The following CPSF2 variants were observed in gnomAD, a reference collection of about 807,000 sequenced individuals.
CPSF2 encodes cleavage and polyadenylation specific factor 2.
Under a neutral mutation model 84.2 loss-of-function variants are expected in CPSF2, and 51 were observed. That is an observed-to-expected ratio of 0.61 (90% CI 0.48 to 0.77). The LOEUF is 0.77. CPSF2 is among the 30% of genes least tolerant of loss of function. CPSF2 has a pLI of 0.00. For synonymous variants in CPSF2, 286 were observed against 311.9 expected (o/e 0.92, Z 0.87); for missense variants, 641 against 929.4 (o/e 0.69, Z 4.03).
rs201243097 is a variant in CPSF2, at chr14:92,161,644, G to C, written c.2257-8G>C. ...TGTACTAAAGAATTTTTTTTATTTG[G>C]TTTCTAGACGGAAACTGGACGCATT... On this transcript the variant is annotated splice_polypyrimidine_tract_variant and splice_region_variant and intron_variant, in intron 15 of 15. Transcript: ENST00000298875. 90 of 1,568,452 alleles carry C rather than the reference G, an allele frequency of 5.7e-5. No homozygotes were observed. Among genetic ancestry groups the C allele is most frequent in the Non-Finnish European group, 7.7e-6 (9 of 1,164,302 alleles).
intron 2 of CPSF2, among the ~76,000 whole-genome samples, chr14:92,126,696 A>C (rs1268487483): frequency 1.3e-5 from 2 of 151,934 alleles, no homozygotes; most frequent in Admixed American, 6.6e-5. Flanking sequence ...CCAGCTACCC[A>C]GGAGGCTGAG....
intron 14 of CPSF2, among the ~76,000 whole-genome samples, chr14:92,160,840 T>A (rs1296032245): frequency 6.6e-6 from 1 of 152,196 alleles, no homozygotes; most frequent in East Asian, 1.9e-4. Context: ...AGCCTAACAT[T>A]ACCAAACGTC....
rs2069486873 is a variant in CPSF2 at position 92,169,113 on chromosome 14, T to C, written c.*7369T>C. On this transcript the variant is annotated 3_prime_UTR_variant, in exon 16 of 16. Transcript: ENST00000298875. ...GTTAAAAACAAAAAGAAGCACATAC[T>C]GTACAGTCAAAACTATCAGACGTAA... 6.6e-6 allele frequency: 1 copy of C among 152,228 alleles called. No individual in the cohort carries two copies. Among genetic ancestry groups the C allele is most frequent in the Non-Finnish European group, 1.5e-5 (1 of 68,036 alleles). The allele number at this position is 152,228 out of a possible 1,614,324, so 9.4% of individuals were successfully genotyped here.
At chr14:92,146,472 G>T (rs2069145624) in intron 9 of CPSF2, among the ~76,000 whole-genome samples, 1 of 152,178 alleles carries the variant, frequency 6.6e-6, no homozygotes, top group Non-Finnish European at 1.5e-5. Flanking sequence ...AGTGAGCCAG[G>T]ATCGCGCCAC....
At chr14:92,150,478 A>G (rs1595062707) in intron 9 of CPSF2, among the ~76,000 whole-genome samples, 1 of 149,678 alleles carries the variant, frequency 6.7e-6, no homozygotes, top group East Asian at 2.0e-4. Flanking sequence ...CCCAGGTTGG[A>G]GTGCAGAGGC....
At chr14:92,147,730 AT>A (rs1180070044) in intron 9 of CPSF2, among the ~76,000 whole-genome samples, 1 of 152,076 alleles carries the variant, frequency 6.6e-6, no homozygotes, top group Non-Finnish European at 1.5e-5. Flanking sequence ...TTAACTTTTT[AT>A]TTTTTGAGAC....
chr14:92,149,642 GT>G (rs1200600297), intron 9 of CPSF2, among the ~76,000 whole-genome samples: 1 of 151,984 alleles, frequency 6.6e-6, no homozygotes, highest in African/African-American at 2.4e-5. Context: ...ATATTACTAA[GT>G]TCTTTCAGTA....
intron 9 of CPSF2, among the ~76,000 whole-genome samples, chr14:92,144,235 C>T (rs1404180487): frequency 6.6e-6 from 1 of 152,182 alleles, no homozygotes; most frequent in Non-Finnish European, 1.5e-5. Flanking sequence ...ACTTTATTCT[C>T]ATTGACTTTA....
rs1237631202 is a variant in CPSF2 at position 92,165,289 on chromosome 14, T to C, written c.*3545T>C. ...TATGTTTTCAATTTTCTTGGATATA[T>C]ATCTAAGAATTAGAATTGCTGGATC... On this transcript the variant is annotated 3_prime_UTR_variant, in exon 16 of 16. Coordinates refer to ENST00000298875, the MANE Select transcript of CPSF2 (RefSeq NM_017437.3). 6 of 152,068 alleles carry C rather than the reference T, an allele frequency of 3.9e-5. No individual in the cohort carries two copies. The highest frequency in any genetic ancestry group is 7.3e-5 in the Non-Finnish European group (5 of 68,030). The allele number at this position is 152,068 out of a possible 1,614,324, so 9.4% of individuals were successfully genotyped here. A position where few individuals can be genotyped will look rare whatever the true frequency, so the allele number is the denominator to read the frequency against.
At chr14:92,142,964 A>G (rs748047491) in intron 8 of CPSF2, 40 bp from the exon 9 acceptor site, 11 of 1,477,170 alleles carry the variant, frequency 7.4e-6, no homozygotes, top group African/African-American at 2.8e-5. Flanking sequence ...AAGTTATAAT[A>G]TAGTATTTCT....
In CPSF2 at chr14:92,142,251, T is replaced by C. The variant is rs377174006; in HGVS notation, c.749T>C (p.Leu250Pro). 6.2e-7 allele frequency: 1 copy of C among 1,614,130 alleles called. No individual in the cohort carries two copies. Among genetic ancestry groups the C allele is most frequent in the African/African-American group, 1.3e-5 (1 of 75,066 alleles). Residue 250 changes from leucine to proline, a missense_variant, in exon 8 of 16, where the codon CTT (leucine) becomes CCT (proline). Transcript: ENST00000298875. ...AGAGTTTTGGAACTTGCTCAACTTC[T>C]TGATCAGATTTGGAGGACTAAAGAT... ...AGRVLELAQL[L>P]DQIWRTKDAG...
chr14:92,133,511 G>C (rs911716856), intron 3 of CPSF2, among the ~76,000 whole-genome samples: 5 of 152,110 alleles, frequency 3.3e-5, no homozygotes, highest in African/African-American at 1.2e-4. Context: ...CTGTCACCCA[G>C]ACTGGAGTGC....
intron 13 of CPSF2, among the ~76,000 whole-genome samples, chr14:92,158,145 C>T (rs1320140693): frequency 3.3e-5 from 5 of 151,954 alleles, no homozygotes; most frequent in Admixed American, 3.3e-4. Flanking sequence ...AGGTTTCCTA[C>T]AGGAAGTGAT....
At chr14:92,132,782 A>C (rs181920307) in intron 3 of CPSF2, among the ~76,000 whole-genome samples, 28 of 151,188 alleles carry the variant, frequency 1.9e-4, no homozygotes, top group Admixed American at 9.9e-4. Context: ...CAAAAAAAAA[A>C]CAAAAAAAAC....
chr14:92,133,344 G>C (rs542686081), intron 3 of CPSF2, among the ~76,000 whole-genome samples: 1 of 151,604 alleles, frequency 6.6e-6, no homozygotes, highest in South Asian at 2.1e-4. Flanking sequence ...GCTTGAACCT[G>C]GGAGGCAGAG....
At chr14:92,160,196 C>T (rs1293500754) in intron 14 of CPSF2, among the ~76,000 whole-genome samples, 3 of 152,238 alleles carry the variant, frequency 2.0e-5, no homozygotes, top group Non-Finnish European at 2.9e-5. Flanking sequence ...CTCCTGACCT[C>T]AGGTGATCCA....
At chr14:92,137,590 G>T (rs1007630878) in intron 6 of CPSF2, among the ~76,000 whole-genome samples, 16 of 152,162 alleles carry the variant, frequency 1.1e-4, no homozygotes, top group Non-Finnish European at 2.2e-4. Context: ...TCTGGATGAG[G>T]TTAAATCTTG....
intron 9 of CPSF2, among the ~76,000 whole-genome samples, chr14:92,145,509 T>C (rs1278984910): frequency 2.0e-5 from 3 of 152,208 alleles, no homozygotes; most frequent in Non-Finnish European, 4.4e-5. Flanking sequence ...CATCAGTAAC[T>C]AAAATCTGAG....
Position 92,169,062 on chromosome 14 carries a change from T to C in CPSF2, c.*7318T>C, listed in dbSNP as rs2069485623. On this transcript the variant is annotated 3_prime_UTR_variant, in exon 16 of 16. Coordinates refer to ENST00000298875, the MANE Select transcript of CPSF2 (RefSeq NM_017437.3). ...TTAATATCCAATGTATCATAGGTGT[T>C]TTCTTTTTTCTCTGACAATTGTTAT... The C allele has an allele frequency of 6.6e-6, 1 of 151,750 alleles. No homozygotes were observed. The highest frequency in any genetic ancestry group is 1.5e-5 in the Non-Finnish European group (1 of 67,986). 9.4% of individuals were successfully genotyped at this position (151,750 alleles called of 1,614,324 possible). A position where few individuals can be genotyped will look rare whatever the true frequency, so the allele number is the denominator to read the frequency against.
Sources: allele counts gnomAD v4.1 joint callset (sites outside exome capture counted in the v4.1 genomes callset), GRCh38; gene constraint gnomAD v4.1.1; transcripts MANE v1.5; gene names NCBI Gene and HGNC (gene_info 2026-07-23, HGNC 2026-07-21).